RASSF2: variants seen among roughly 807,000 people sequenced by gnomAD.
RASSF2 encodes ras association domain-containing protein 2.
A neutral mutation model predicts 46.3 loss-of-function variants in RASSF2; 34 were observed. The observed-to-expected ratio is 0.73, with a 90% confidence interval of 0.56 to 0.98. The LOEUF (loss-of-function observed/expected upper bound fraction) is 0.98, where lower values mean the gene tolerates loss of function less well. Among genes scored for constraint, RASSF2 ranks in the 50% least tolerant of loss-of-function variants. RASSF2 has a pLI of 0.00. For missense variants in RASSF2, 364 were observed against 431.2 expected (o/e 0.84, Z 1.38); for synonymous variants, 158 against 162.5 (o/e 0.97, Z 0.21).
chr20:4,802,916 T>TA (rs1927014477), intron 2 of RASSF2, among the ~76,000 whole-genome samples: 16 of 122,348 alleles, frequency 1.3e-4, no homozygotes, highest in South Asian at 2.6e-4. Flanking sequence ...ATATATATAT[T>TA]TTTTTTTTTT....
At chr20:4,792,318 T>C (rs916038414) in intron 6 of RASSF2, among the ~76,000 whole-genome samples, 1 of 146,350 alleles carries the variant, frequency 6.8e-6, no homozygotes, top group Admixed American at 6.9e-5. Context: ...CATAAAGACA[T>C]GTCAGTGTGT....
intron 3 of RASSF2, 60 bp from the exon 4 acceptor site, chr20:4,798,145 T>A: frequency 6.3e-7 from 1 of 1,598,096 alleles, no homozygotes; most frequent in Non-Finnish European, 8.5e-7. Flanking sequence ...ATAATGCAGT[T>A]GTTCCCTCTT....
intron 1 of RASSF2, among the ~76,000 whole-genome samples, 197 bp from the exon 2 acceptor site, chr20:4,822,600 C>T (rs1173358046): frequency 1.3e-5 from 2 of 152,268 alleles, no homozygotes; most frequent in African/African-American, 4.8e-5. Context: ...GCAAAGTAAG[C>T]GCTCGAAATG....
In RASSF2 at chr20:4,795,262, C is replaced by T. The variant is rs1926239247; in HGVS notation, c.287+553G>A. ...TAGACTACCACCATCTCACCAAACCCTGGCTCCCCGTATGGTCTGCAGGGA... is the reference window on the plus strand; with the variant it reads ...TAGACTACCACCATCTCACCAAACCTTGGCTCCCCGTATGGTCTGCAGGGA... On this transcript the variant is annotated intron_variant, in intron 5 of 11. Transcript: ENST00000379400. The surrounding 1 kb of genome is among the most constrained non-coding windows in gnomAD (Gnocchi z 4.0). The T allele has an allele frequency of 6.6e-6, 1 of 152,368 alleles. No individual in the cohort carries two copies. 9.4% of individuals were successfully genotyped at this position (152,368 alleles called of 1,614,324 possible). A position where few individuals can be genotyped will look rare whatever the true frequency, so the allele number is the denominator to read the frequency against.
chr20:4,792,801 T>C (rs1404479075), intron 5 of RASSF2, among the ~76,000 whole-genome samples, 174 bp from the exon 6 acceptor site: 1 of 152,154 alleles, frequency 6.6e-6, no homozygotes, highest in Non-Finnish European at 1.5e-5. Context: ...GAGCATCCCG[T>C]GAAAGGCTGG....
intron 2 of RASSF2, among the ~76,000 whole-genome samples, chr20:4,811,890 A>G (rs779236820): frequency 3.3e-5 from 5 of 152,094 alleles, no homozygotes; most frequent in Non-Finnish European, 7.4e-5. Context: ...CCTGGGTTGG[A>G]GAAGAAAGTT....
intron 2 of RASSF2, among the ~76,000 whole-genome samples, chr20:4,802,863 T>C (rs1926992413): frequency 6.7e-6 from 1 of 150,050 alleles, no homozygotes; most frequent in Non-Finnish European, 1.5e-5. Flanking sequence ...TATATACATA[T>C]ACACGTGTAT....
chr20:4,796,074 C>A, intron 4 of RASSF2, 108 bp from the exon 5 acceptor site: 1 of 1,255,100 alleles, frequency 8.0e-7, no homozygotes, highest in Admixed American at 3.2e-5. Context: ...CTGGGGGCCC[C>A]CAGACTGTAT....
chr20:4,788,189 T>G, intron 9 of RASSF2, 28 bp downstream of exon 9: 2 of 1,543,272 alleles, frequency 1.3e-6, no homozygotes, highest in Non-Finnish European at 1.8e-6. Flanking sequence ...TTAGAAGTTT[T>G]AAAGTACACT....
chr20:4,814,799 G>A (rs1014395910), intron 2 of RASSF2, among the ~76,000 whole-genome samples: 1 of 152,190 alleles, frequency 6.6e-6, no homozygotes, highest in Non-Finnish European at 1.5e-5. Context: ...ATGGCACATC[G>A]GGGGGTTTCC....
In RASSF2 at chr20:4,786,707, C is replaced by T. The variant is rs148575086; in HGVS notation, c.814-379G>A. Among the ~76,000 whole-genome samples the T allele has an allele frequency of 3.8e-3, 574 of 152,260 alleles. 4 individuals carry two copies. The highest frequency in any genetic ancestry group is 0.013 in the African/African-American group (543 of 41,548). ...TGGAAGGAATCAGGGTTCCAGATGA[C>T]GATTTGGGTCTCAAGGCTCAAACAA... On this transcript the variant is annotated intron_variant, in intron 10 of 11. Coordinates refer to ENST00000379400, the MANE Select transcript of RASSF2 (RefSeq NM_014737.3).
chr20:4,784,792 A>C (rs995708355), intron 11 of RASSF2, among the ~76,000 whole-genome samples: 1 of 152,118 alleles, frequency 6.6e-6, no homozygotes, highest in Non-Finnish European at 1.5e-5. Flanking sequence ...AAAAATGGCA[A>C]CTTCGTATGG....
chr20:4,809,530 G>A (rs1004281802), intron 2 of RASSF2, among the ~76,000 whole-genome samples: 1 of 152,010 alleles, frequency 6.6e-6, no homozygotes, highest in Non-Finnish European at 1.5e-5. Context: ...TCCCCTCCTG[G>A]GCCTGGAGCT....
chr20:4,810,139 C>T (rs1032020034), intron 2 of RASSF2, among the ~76,000 whole-genome samples: 2 of 152,222 alleles, frequency 1.3e-5, no homozygotes, highest in African/African-American at 4.8e-5. Context: ...AACAGCTGCC[C>T]ACTCAGGACC....
chr20:4,796,482 C>G (rs1052845330), intron 4 of RASSF2, among the ~76,000 whole-genome samples: 1 of 152,174 alleles, frequency 6.6e-6, no homozygotes, highest in Non-Finnish European at 1.5e-5. Context: ...GAACTGCTGT[C>G]TTTAAAAGGG....
At chr20:4,796,032 G>C (rs1323082895) in intron 4 of RASSF2, 66 bp from the exon 5 acceptor site, 1 of 1,433,622 alleles carries the variant, frequency 7.0e-7, no homozygotes, top group Non-Finnish European at 9.2e-7. Context: ...ACCATGCTGA[G>C]GGACAAATGA....
At position 4,791,728 on chromosome 20, in the gene RASSF2, C is replaced by T. The variant is rs369394751; in HGVS notation, c.376+811G>A. Among the ~76,000 whole-genome samples the T allele has an allele frequency of 3.0e-4, 45 of 152,268 alleles. No homozygotes were observed. In the South Asian group the frequency reaches 7.0e-3, roughly 24 times the overall value. ...GTGTGACGTGACACATGTATAAGGCCGCCGACTGCAAACTCGTTTGTCATA... is the reference window on the plus strand; with the variant it reads ...GTGTGACGTGACACATGTATAAGGCTGCCGACTGCAAACTCGTTTGTCATA... On this transcript the variant is annotated intron_variant, in intron 6 of 11. Transcript: ENST00000379400.
intron 2 of RASSF2, among the ~76,000 whole-genome samples, chr20:4,816,556 T>C (rs1928319479): frequency 6.6e-6 from 1 of 152,182 alleles, no homozygotes; most frequent in Non-Finnish European, 1.5e-5. Context: ...TTGTACAACG[T>C]TGTGAATGGA....
At chr20:4,815,192 T>C (rs1928199575) in intron 2 of RASSF2, 1 of 152,244 alleles carries the variant, frequency 6.6e-6, no homozygotes, top group South Asian at 2.1e-4. Context: ...TAGAGTCACG[T>C]GACCTGGTTT....
Sources: allele counts gnomAD v4.1 joint callset (sites outside exome capture counted in the v4.1 genomes callset), GRCh38; gene constraint gnomAD v4.1.1; non-coding constraint Gnocchi (gnomAD v3.1); transcripts MANE v1.5; gene names NCBI Gene and HGNC (gene_info 2026-07-23, HGNC 2026-07-21).